Variants in ATP10B observed in about 807,000 individuals in gnomAD.
ATP10B encodes phospholipid-transporting ATPase VB.
Under a neutral mutation model 141.2 loss-of-function variants are expected in ATP10B, and 122 were observed. That is an observed-to-expected ratio of 0.86 (90% confidence interval 0.75 to 1.00). The LOEUF is 1.00. Among genes scored for constraint, ATP10B ranks in the 50% least tolerant of loss-of-function variants. The pLI is 0.00. For missense variants in ATP10B, 1,876 were observed against 1,825.3 expected, an observed-to-expected ratio of 1.03 and a Z score of -0.51; for synonymous variants, 685 against 692.0, an observed-to-expected ratio of 0.99 and a Z score of 0.16.
chr5:160,922,609 C>G, the ATP10B span, among the ~76,000 whole-genome samples: 6 of 152,152 alleles, frequency 3.9e-5, no homozygotes, highest in Non-Finnish European at 5.9e-5. Context: ...TCCAATGACC[C>G]AGTACTTAAC....
chr5:160,815,736 T>C (rs1011036819), intron 1 of ATP10B, among the ~76,000 whole-genome samples: 7 of 152,142 alleles, frequency 4.6e-5, no homozygotes, highest in African/African-American at 1.7e-4. Context: ...ACAATACCTA[T>C]ACCAAAATTG....
At chr5:160,625,289 G>A (rs1013090705) in intron 13 of ATP10B, among the ~76,000 whole-genome samples, 2 of 152,178 alleles carry the variant, frequency 1.3e-5, no homozygotes, top group Admixed American at 1.3e-4. Flanking sequence ...ACCACCCAGG[G>A]TCTTTAGTGT....
chr5:160,664,171 C>T (rs1331139586), intron 7 of ATP10B, among the ~76,000 whole-genome samples: 1 of 152,172 alleles, frequency 6.6e-6, no homozygotes, highest in Admixed American at 6.5e-5. Context: ...TTGGAGAAGC[C>T]TGTCAGGGAC....
intron 2 of ATP10B, among the ~76,000 whole-genome samples, chr5:160,754,130 C>T (rs1768349334): frequency 6.6e-6 from 1 of 152,054 alleles, no homozygotes; most frequent in Admixed American, 6.5e-5. Context: ...TAGCAGGCAG[C>T]CTCTCAGGTA....
chr5:160,900,411 G>C, the ATP10B span, among the ~76,000 whole-genome samples: 37 of 152,232 alleles, frequency 2.4e-4, no homozygotes, highest in Non-Finnish European at 8.8e-5. Context: ...TGAGCAAAAC[G>C]ATGCAGTGAC....
the ATP10B span, among the ~76,000 whole-genome samples, chr5:160,883,039 G>C: frequency 1.3e-5 from 2 of 152,082 alleles, no homozygotes; most frequent in African/African-American, 4.8e-5. Flanking sequence ...GATAAATATA[G>C]TAAACATCAA....
chr5:160,755,838 A>ATGT (rs1336419143), intron 2 of ATP10B, among the ~76,000 whole-genome samples: 1 of 45,408 alleles, frequency 2.2e-5, no homozygotes, highest in Non-Finnish European at 4.1e-5. Flanking sequence ...AAAAAAAAAA[A>ATGT]ATATATATAT....
At chr5:160,912,852 A>G in the ATP10B span, among the ~76,000 whole-genome samples, 1 of 152,158 alleles carries the variant, frequency 6.6e-6, no homozygotes, top group Admixed American at 6.5e-5. Context: ...AGGCTCCAGA[A>G]TAGATTTCAT....
At chr5:160,810,305 T>C (rs1248450417) in intron 1 of ATP10B, among the ~76,000 whole-genome samples, 1 of 152,156 alleles carries the variant, frequency 6.6e-6, no homozygotes, top group Non-Finnish European at 1.5e-5. Context: ...GCATTTTCAT[T>C]TTTTGTGCTA....
chr5:160,878,886 A>G, the ATP10B span, among the ~76,000 whole-genome samples: 1 of 148,406 alleles, frequency 6.7e-6, no homozygotes, highest in Non-Finnish European at 1.5e-5. Context: ...TCAGGAAACA[A>G]CAGGTGCTGG....
At chr5:160,723,077 G>A (rs1243372565) in intron 2 of ATP10B, among the ~76,000 whole-genome samples, 1 of 152,168 alleles carries the variant, frequency 6.6e-6, no homozygotes, top group African/African-American at 2.4e-5. Flanking sequence ...TCATCTTAAT[G>A]GCAGTGACCA....
chr5:160,884,281 A>G, the ATP10B span, among the ~76,000 whole-genome samples: 1 of 152,184 alleles, frequency 6.6e-6, no homozygotes, highest in African/African-American at 2.4e-5. Flanking sequence ...TGTAAGAGTC[A>G]AAGAGTTTTC....
At chr5:160,877,505 A>G in the ATP10B span, among the ~76,000 whole-genome samples, 1 of 149,618 alleles carries the variant, frequency 6.7e-6, no homozygotes, top group Non-Finnish European at 1.5e-5. Flanking sequence ...CACAACTCCT[A>G]TTCAACATAG....
chr5:160,885,259 TTAATAAGGGAA>T, the ATP10B span, among the ~76,000 whole-genome samples: 65 of 152,242 alleles, frequency 4.3e-4, no homozygotes, highest in Non-Finnish European at 6.8e-4. Flanking sequence ...CTCTCCTGTT[TTAATAAGGGAA>T]GCGGATGCAA....
intron 21 of ATP10B, among the ~76,000 whole-genome samples, chr5:160,600,381 C>T (rs568196340): frequency 5.3e-5 from 8 of 152,200 alleles, no homozygotes; most frequent in East Asian, 1.9e-4. Flanking sequence ...TTGGCTTATA[C>T]GATTAGACTT....
At chr5:160,817,563 G>A (rs116231668) in intron 1 of ATP10B, among the ~76,000 whole-genome samples, 1 of 151,916 alleles carries the variant, frequency 6.6e-6, no homozygotes. Flanking sequence ...CATGTAAATG[G>A]CCATATTGCC....
At chr5:160,915,069 A>T in the ATP10B span, among the ~76,000 whole-genome samples, 1 of 152,228 alleles carries the variant, frequency 6.6e-6, no homozygotes, top group African/African-American at 2.4e-5. Context: ...TGAATTCAGA[A>T]TCAGGAGTCC....
intron 12 of ATP10B, chr5:160,633,600 A>G (rs1024877702): frequency 2.6e-5 from 4 of 154,588 alleles, no homozygotes; most frequent in Non-Finnish European, 5.8e-5. Flanking sequence ...TACCTAAGGT[A>G]GATGATGGGT....
At chr5:160,639,489 G>A (rs1759665690) in intron 10 of ATP10B, among the ~76,000 whole-genome samples, 1 of 152,158 alleles carries the variant, frequency 6.6e-6, no homozygotes, top group Non-Finnish European at 1.5e-5. Context: ...ATGAGGAGAG[G>A]AAAATGTAGG....
Sources: gnomAD v4.1 joint callset for allele counts (sites outside exome capture counted in the v4.1 genomes callset) on GRCh38, gnomAD v4.1.1 for gene constraint, MANE v1.5 for transcripts, NCBI Gene and HGNC (gene_info 2026-07-23, HGNC 2026-07-21) for gene names.